The following CADPS variants were observed in gnomAD, a reference collection of about 807,000 sequenced individuals.
CADPS encodes calcium dependent secretion activator.
CADPS carries 57 observed loss-of-function variants against 167.3 expected under a neutral mutation model. That is an observed-to-expected ratio of 0.34 (90% confidence interval 0.28 to 0.42). The LOEUF (loss-of-function observed/expected upper bound fraction) is 0.42, where lower values mean the gene tolerates loss of function less well. Ranked by LOEUF, CADPS falls within the 20% of genes least tolerant of loss-of-function variation. The probability of loss-of-function intolerance (pLI) is 1.00; values close to 1 mark genes in which losing one functional copy is unlikely to be tolerated. For missense variants in CADPS, 1,414 were observed against 1,738.1 expected (o/e 0.81, Z 3.32); for synonymous variants, 676 against 635.3 (o/e 1.06, Z -0.96).
At chr3:62,872,996 C>T (rs2082906722) in intron 1 of CADPS, among the ~76,000 whole-genome samples, 1 of 152,170 alleles carries the variant, frequency 6.6e-6, no homozygotes, top group Non-Finnish European at 1.5e-5. Context: ...GACTCAACAT[C>T]CAGCCTTAAA....
chr3:62,807,172 C>T (rs576610629), intron 1 of CADPS, among the ~76,000 whole-genome samples: 6 of 152,106 alleles, frequency 3.9e-5, no homozygotes, highest in African/African-American at 1.4e-4. Flanking sequence ...AAACATTAAT[C>T]AGACTTAAAT....
chr3:62,581,770 G>A (rs1357143747), intron 8 of CADPS, among the ~76,000 whole-genome samples: 3 of 152,144 alleles, frequency 2.0e-5, no homozygotes, highest in Non-Finnish European at 2.9e-5. Context: ...GGGTGTCGGG[G>A]GGGCATTTAT....
At chr3:62,649,309 TG>T (rs544692667) in intron 5 of CADPS, among the ~76,000 whole-genome samples, 39 of 152,288 alleles carry the variant, frequency 2.6e-4, no homozygotes, top group Admixed American at 1.2e-3. Flanking sequence ...GATTGTGGCA[TG>T]TTTTACATAT....
chr3:62,852,601 A>AAAG (rs2078850820), intron 1 of CADPS, among the ~76,000 whole-genome samples: 1 of 150,694 alleles, frequency 6.6e-6, no homozygotes. Context: ...CTTATCAAAA[A>AAAG]AAGAAAAAAA....
At chr3:62,454,120 A>T (rs1396205458) in intron 26 of CADPS, among the ~76,000 whole-genome samples, 2 of 152,214 alleles carry the variant, frequency 1.3e-5, no homozygotes, top group African/African-American at 4.8e-5. Flanking sequence ...ATGTTTAAAA[A>T]ATAAGGTTTC....
At chr3:62,788,915 A>C (rs1054731377) in intron 1 of CADPS, among the ~76,000 whole-genome samples, 2 of 152,210 alleles carry the variant, frequency 1.3e-5, no homozygotes, top group Non-Finnish European at 2.9e-5. Context: ...CGTCTTAAGT[A>C]GGACTGCAAA....
At chr3:62,451,736 C>T (rs2058083201) in intron 26 of CADPS, among the ~76,000 whole-genome samples, 1 of 152,148 alleles carries the variant, frequency 6.6e-6, no homozygotes, top group South Asian at 2.1e-4. Flanking sequence ...TACTGCAGAC[C>T]ACACCACCAC....
At chr3:62,460,980 T>C (rs1371491744) in intron 26 of CADPS, among the ~76,000 whole-genome samples, 3 of 152,198 alleles carry the variant, frequency 2.0e-5, no homozygotes, top group Non-Finnish European at 4.4e-5. Context: ...AGACTTGATA[T>C]AAAGTTCAGA....
intron 10 of CADPS, 28 bp downstream of exon 10, chr3:62,557,377 G>T: frequency 6.7e-7 from 1 of 1,488,118 alleles, no homozygotes; most frequent in Non-Finnish European, 9.4e-7. Context: ...GGGTTTGTGG[G>T]CTCGTGGCCT....
intron 2 of CADPS, among the ~76,000 whole-genome samples, chr3:62,756,391 C>T (rs2083920548): frequency 6.6e-6 from 1 of 152,182 alleles, no homozygotes; most frequent in Non-Finnish European, 1.5e-5. Flanking sequence ...CTTATCCATA[C>T]ACCAAAGGAA....
intron 4 of CADPS, among the ~76,000 whole-genome samples, chr3:62,659,862 A>G (rs920211026): frequency 4.6e-5 from 7 of 152,212 alleles, no homozygotes; most frequent in African/African-American, 1.7e-4. Flanking sequence ...CTGAAAGAAC[A>G]GGAGACAGTA....
intron 6 of CADPS, 140 bp downstream of exon 6, chr3:62,645,582 G>C: frequency 1.2e-6 from 1 of 860,676 alleles, no homozygotes; most frequent in Admixed American, 2.6e-5. Context: ...ATGTAGGCAA[G>C]TCATCTTGTT....
intron 11 of CADPS, among the ~76,000 whole-genome samples, chr3:62,546,954 A>G (rs561417344): frequency 2.6e-5 from 4 of 152,278 alleles, no homozygotes; most frequent in Non-Finnish European, 5.9e-5. Flanking sequence ...GTTGCTGTGC[A>G]TAACTACCCA....
At chr3:62,599,851 T>A (rs1372925418) in intron 6 of CADPS, among the ~76,000 whole-genome samples, 207 of 9,468 alleles carry the variant, frequency 0.022, 5 homozygotes, top group African/African-American at 0.056. Flanking sequence ...TATATATATA[T>A]AATATATATA....
intron 1 of CADPS, among the ~76,000 whole-genome samples, chr3:62,873,111 T>TAAAG (rs2082939870): frequency 6.6e-6 from 1 of 152,212 alleles, no homozygotes. Context: ...TGGAGAGTCT[T>TAAAG]GTGTGTAACC....
At chr3:62,565,244 CAGCCA>C (rs2079937368) in intron 9 of CADPS, among the ~76,000 whole-genome samples, 1 of 152,144 alleles carries the variant, frequency 6.6e-6, no homozygotes, top group Non-Finnish European at 1.5e-5. Flanking sequence ...GGTTTGCAGC[CAGCCA>C]AGTTTATAGG....
chr3:62,748,115 T>C (rs2081888802), intron 3 of CADPS, among the ~76,000 whole-genome samples: 1 of 141,230 alleles, frequency 7.1e-6, no homozygotes. Flanking sequence ...GGTCAGGAGA[T>C]TGAGACCATC....
At chr3:62,407,949 G>C (rs1419552284) in intron 28 of CADPS, among the ~76,000 whole-genome samples, 1 of 152,138 alleles carries the variant, frequency 6.6e-6, no homozygotes. Context: ...TGGCCAGGCT[G>C]GTCTTGAACC....
chr3:62,414,726 C>A (rs2049669532), intron 28 of CADPS, among the ~76,000 whole-genome samples: 1 of 152,198 alleles, frequency 6.6e-6, no homozygotes, highest in African/African-American at 2.4e-5. Context: ...CAGAGGGTGG[C>A]AAGGTGGGAA....
Sources: gnomAD v4.1 joint callset for allele counts (sites outside exome capture counted in the v4.1 genomes callset) on GRCh38, gnomAD v4.1.1 for gene constraint, MANE v1.5 for transcripts, NCBI Gene and HGNC (gene_info 2026-07-23, HGNC 2026-07-21) for gene names.